DNAJB6: variants seen among roughly 807,000 people sequenced by gnomAD.
DNAJB6 encodes DnaJ heat shock protein family (Hsp40) member B6, also known as dnaJ homolog subfamily B member 6.
Under a neutral mutation model 42.7 loss-of-function variants are expected in DNAJB6, and 16 were observed. The observed-to-expected ratio is 0.37, with a 90% CI of 0.25 to 0.57. DNAJB6 has a LOEUF of 0.57. DNAJB6 is among the 20% of genes least tolerant of loss of function. The pLI is 0.74. For synonymous variants in DNAJB6, 170 were observed against 163.5 expected (o/e 1.04, Z -0.30); for missense variants, 347 against 416.8 (o/e 0.83, Z 1.46).
Position 157,382,363 on chromosome 7 carries a change from C to T in DNAJB6, c.464C>T (p.Ser155Phe), listed in dbSNP as rs1322289261. ...SGFPSFGSGF[S>F]SFDTGFTSFG... is the part of the protein sequence containing the mutation. ...TTTCCGTCTTTTGGAAGTGGATTTT[C>T]TTCTTTTGATACAGGTATTAAATCC... The change falls in exon 6 of 10, where the codon TCT becomes TTT. Residue 155 changes from serine (S) to phenylalanine (F), a missense_variant. Ser to Phe is a radical substitution (Grantham distance 155, BLOSUM62 -2). Transcript: ENST00000262177. The T allele has an allele frequency of 6.6e-7, 1 of 1,509,152 alleles. No individual in the cohort carries two copies. Among genetic ancestry groups the T allele is most frequent in the African/African-American group, 1.4e-5 (1 of 71,246 alleles). The allele number at this position is 1,509,152 out of a possible 1,614,324, so 93.5% of individuals were successfully genotyped here.
intron 1 of DNAJB6, among the ~76,000 whole-genome samples, chr7:157,354,616 G>A (rs1799178195): frequency 1.3e-5 from 2 of 152,120 alleles, no homozygotes; most frequent in African/African-American, 2.4e-5. Flanking sequence ...CAGGATTACA[G>A]GTGTGTGCCA....
At chr7:157,381,514 T>C (rs937803669) in intron 5 of DNAJB6, 4 of 152,206 alleles carry the variant, frequency 2.6e-5, no homozygotes, top group African/African-American at 9.6e-5. Context: ...GATCTTGATT[T>C]CCAGGAGCAC....
At chr7:157,395,744 G>A (rs559245116) in intron 8 of DNAJB6, among the ~76,000 whole-genome samples, 2 of 148,530 alleles carry the variant, frequency 1.3e-5, no homozygotes, top group South Asian at 2.2e-4. Context: ...GAGTACAGTG[G>A]GGCGATCTCG....
chr7:157,372,055 C>T (rs190521743), intron 5 of DNAJB6: 1 of 152,490 alleles, frequency 6.6e-6, no homozygotes, highest in Admixed American at 6.5e-5. Flanking sequence ...AAGCAGACTT[C>T]TTGCAGGAAA....
chr7:157,347,145 G>A (rs549936099), intron 1 of DNAJB6, among the ~76,000 whole-genome samples: 2 of 152,232 alleles, frequency 1.3e-5, no homozygotes, highest in East Asian at 1.9e-4. Context: ...ATGAGCCACC[G>A]CGCCCGGCCA....
At chr7:157,347,106 C>G (rs566492648) in intron 1 of DNAJB6, among the ~76,000 whole-genome samples, 1 of 152,212 alleles carries the variant, frequency 6.6e-6, no homozygotes, top group Non-Finnish European at 1.5e-5. Flanking sequence ...TCGCCTGCCT[C>G]GGCCTCCCAA....
At chr7:157,379,805 CTTTTTTTT>C (rs57417414) in intron 5 of DNAJB6, 3 of 121,166 alleles carry the variant, frequency 2.5e-5, no homozygotes, top group African/African-American at 6.8e-5. Context: ...GCAGAAATGC[CTTTTTTTT>C]TTTTTTTTTT....
rs769008309 is a variant in DNAJB6 at position 157,375,228 on chromosome 7, C to A, written c.347-7018C>A. 4.5e-4 allele frequency among the ~76,000 whole-genome samples: 68 copies of A among 152,140 alleles called. 1 individual carries two copies. Among genetic ancestry groups the A allele is most frequent in the Non-Finnish European group, 8.2e-4 (56 of 68,030 alleles). On this transcript the variant is annotated intron_variant, in intron 5 of 9. Coordinates refer to ENST00000262177, the MANE Select transcript of DNAJB6 (RefSeq NM_058246.4). The stretch of plus-strand genomic sequence containing the variant: ...TGATGGTGGAGGAAAGATGAATCGG[C>A]CATCTGCGAGTAGGGCTCAGAAAAG...
intron 1 of DNAJB6, among the ~76,000 whole-genome samples, chr7:157,352,156 C>T (rs10452679): frequency 0.15 from 22,819 of 151,786 alleles, 3,595 homozygotes; most frequent in African/African-American, 0.4. Flanking sequence ...ATGGTGAAAC[C>T]CGTCCCTACT....
chr7:157,353,619 G>GTGTGTGTA (rs765489885), intron 1 of DNAJB6, among the ~76,000 whole-genome samples: 212 of 146,950 alleles, frequency 1.4e-3, no homozygotes, highest in African/African-American at 3.4e-3. Flanking sequence ...GTGTGTGTGT[G>GTGTGTGTA]TGTATGTATT....
At chr7:157,379,011 A>T (rs1800616059) in intron 5 of DNAJB6, 1 of 152,156 alleles carries the variant, frequency 6.6e-6, no homozygotes, top group Non-Finnish European at 1.5e-5. Context: ...TTCAGTGAAT[A>T]CCTGAATTGT....
At chr7:157,387,567 A>T (rs1043459664) in intron 8 of DNAJB6, among the ~76,000 whole-genome samples, 4 of 152,230 alleles carry the variant, frequency 2.6e-5, no homozygotes, top group African/African-American at 9.7e-5. Flanking sequence ...ACATCCAGGG[A>T]TGTCCAGAAA....
intron 1 of DNAJB6, among the ~76,000 whole-genome samples, chr7:157,351,661 CAAAA>C (rs996992597): frequency 8.2e-5 from 3 of 36,386 alleles, no homozygotes; most frequent in African/African-American, 2.1e-4. Context: ...ACAACAACAA[CAAAA>C]AAAACCACAA....
intron 1 of DNAJB6, among the ~76,000 whole-genome samples, chr7:157,344,942 C>T (rs887560894): frequency 6.6e-6 from 1 of 152,068 alleles, no homozygotes; most frequent in Non-Finnish European, 1.5e-5. Flanking sequence ...TACTTTACAG[C>T]ACTGTCACTT....
intron 1 of DNAJB6, among the ~76,000 whole-genome samples, chr7:157,340,755 C>T (rs1798318375): frequency 6.6e-6 from 1 of 151,944 alleles, no homozygotes; most frequent in African/African-American, 2.4e-5. Flanking sequence ...TGGCTCACTG[C>T]ACTCCTGGGT....
At chr7:157,385,861 A>G (rs1801031165) in intron 8 of DNAJB6, 1 of 1,155,820 alleles carries the variant, frequency 8.7e-7, no homozygotes, top group Non-Finnish European at 1.1e-6. Flanking sequence ...TGTCTTTAAA[A>G]TTGTTGTAAA....
intron 1 of DNAJB6, among the ~76,000 whole-genome samples, chr7:157,348,103 A>AT (rs1197895973): frequency 2.0e-5 from 2 of 100,340 alleles, no homozygotes; most frequent in African/African-American, 7.9e-5. Context: ...GCCTTATTTT[A>AT]TTTTTTTGAG....
At chr7:157,402,657 G>T (rs61369967) in intron 8 of DNAJB6, among the ~76,000 whole-genome samples, 1 of 152,350 alleles carries the variant, frequency 6.6e-6, no homozygotes, top group African/African-American at 2.4e-5. Context: ...AAGTAGCGAT[G>T]TGTCTTGGGG....
intron 1 of DNAJB6, among the ~76,000 whole-genome samples, chr7:157,348,791 C>G (rs1798820495): frequency 6.6e-6 from 1 of 152,156 alleles, no homozygotes; most frequent in East Asian, 1.9e-4. Context: ...CCTCCCCTCC[C>G]TCTTACTCCC....
Sources: allele counts gnomAD v4.1 joint callset (sites outside exome capture counted in the v4.1 genomes callset), GRCh38; gene constraint gnomAD v4.1.1; transcripts MANE v1.5; gene names NCBI Gene and HGNC (gene_info 2026-07-23, HGNC 2026-07-21).